SHISA9: variants seen among roughly 807,000 people sequenced by gnomAD.
The protein encoded by SHISA9 is protein shisa-9.
Under a neutral mutation model 38.0 loss-of-function variants are expected in SHISA9, and 13 were observed. The observed-to-expected ratio is 0.34, with a 90% CI of 0.22 to 0.54. The LOEUF is 0.54. Among genes scored for constraint, SHISA9 ranks in the 20% least tolerant of loss-of-function variants. SHISA9 has a pLI of 0.91. For synonymous variants in SHISA9, 275 were observed against 242.0 expected, an observed-to-expected ratio of 1.14 and a Z score of -1.27; for missense variants, 538 against 575.8, an observed-to-expected ratio of 0.93 and a Z score of 0.67.
intron 2 of SHISA9, among the ~76,000 whole-genome samples, chr16:12,938,331 C>T (rs1378309720): frequency 6.6e-6 from 1 of 152,198 alleles, no homozygotes; most frequent in Non-Finnish European, 1.5e-5. Context: ...TCTTTTCTTG[C>T]TAGACAAGTC....
intron 2 of SHISA9, among the ~76,000 whole-genome samples, chr16:12,959,520 G>C (rs1413174795): frequency 6.6e-6 from 1 of 152,166 alleles, no homozygotes; most frequent in African/African-American, 2.4e-5. Context: ...ACTCAGGGCA[G>C]CTGGAGAAAA....
intron 2 of SHISA9, among the ~76,000 whole-genome samples, chr16:13,040,311 A>G (rs763325504): frequency 1.3e-5 from 2 of 152,084 alleles, no homozygotes; most frequent in Non-Finnish European, 2.9e-5. Context: ...TCTATTCCTT[A>G]AACACATGGT....
At chr16:13,087,125 C>T (rs963420444) in intron 2 of SHISA9, among the ~76,000 whole-genome samples, 2 of 150,328 alleles carry the variant, frequency 1.3e-5, no homozygotes, top group African/African-American at 2.4e-5. Context: ...CATCCATGTC[C>T]CCGCAAAGGA....
chr16:13,306,110 T>A, the SHISA9 span, among the ~76,000 whole-genome samples: 1 of 151,678 alleles, frequency 6.6e-6, no homozygotes, highest in Non-Finnish European at 1.5e-5. Flanking sequence ...GGAGTAGGAG[T>A]TCATAAGAAG....
At chr16:13,248,331 G>T in the SHISA9 span, among the ~76,000 whole-genome samples, 2 of 152,160 alleles carry the variant, frequency 1.3e-5, no homozygotes, top group African/African-American at 4.8e-5. Context: ...CCTTGAGGGT[G>T]CAAGAATCCC....
the SHISA9 span, among the ~76,000 whole-genome samples, chr16:13,459,244 C>T: frequency 7.9e-5 from 12 of 152,112 alleles, no homozygotes; most frequent in East Asian, 1.9e-4. Flanking sequence ...TTACAAGTCA[C>T]GTGCAGCCCT....
At chr16:12,961,265 G>T (rs537336880) in intron 2 of SHISA9, among the ~76,000 whole-genome samples, 9 of 152,124 alleles carry the variant, frequency 5.9e-5, no homozygotes, top group Non-Finnish European at 1.2e-4. Flanking sequence ...AGGCCAGAAT[G>T]GTGGGAGCAG....
intron 2 of SHISA9, among the ~76,000 whole-genome samples, chr16:13,113,614 A>G (rs528209498): frequency 3.3e-5 from 5 of 152,300 alleles, no homozygotes; most frequent in African/African-American, 1.2e-4. Context: ...ATTGCGTCCA[A>G]TACAAAGGAA....
intron 1 of SHISA9, chr16:12,909,845 C>CCCTTCCTTCCTTCCTTCCTTCCTTCCTT (rs112196996): frequency 1.4e-5 from 2 of 140,486 alleles, no homozygotes; most frequent in African/African-American, 2.7e-5. Context: ...CCTTCCCTTC[C>CCCTTCCTTCCTTCCTTCCTTCCTTCCTT]CCTTCCTTCC....
At chr16:13,192,779 G>T (rs1346111757) in intron 2 of SHISA9, among the ~76,000 whole-genome samples, 1 of 152,124 alleles carries the variant, frequency 6.6e-6, no homozygotes, top group Non-Finnish European at 1.5e-5. Context: ...GGAGGCTGAA[G>T]CAGGACAATC....
the SHISA9 span, among the ~76,000 whole-genome samples, chr16:13,399,667 G>A: frequency 7.2e-5 from 11 of 152,260 alleles, no homozygotes; most frequent in East Asian, 9.7e-4. Context: ...CTTCTTCACC[G>A]CTGCTTATCC....
chr16:13,469,397 G>GAAAGAAAGAAAGAAAGAA, the SHISA9 span, among the ~76,000 whole-genome samples: 1 of 121,234 alleles, frequency 8.2e-6, no homozygotes, highest in African/African-American at 3.4e-5. Context: ...AAGAAAGAAA[G>GAAAGAAAGAAAGAAAGAA]AAAGAAAGAA....
At chr16:13,431,789 A>T in the SHISA9 span, among the ~76,000 whole-genome samples, 1 of 152,190 alleles carries the variant, frequency 6.6e-6, no homozygotes, top group Non-Finnish European at 1.5e-5. Flanking sequence ...AGGCCGGGCA[A>T]GTGGCTCACG....
intron 2 of SHISA9, among the ~76,000 whole-genome samples, chr16:13,081,246 A>G (rs767284010): frequency 1.3e-5 from 2 of 152,194 alleles, no homozygotes; most frequent in African/African-American, 4.8e-5. Context: ...TGTGATCTGG[A>G]CTTTTCAGTC....
At chr16:12,917,852 G>T (rs2071278677) in intron 2 of SHISA9, among the ~76,000 whole-genome samples, 1 of 152,160 alleles carries the variant, frequency 6.6e-6, no homozygotes, top group South Asian at 2.1e-4. Context: ...AGTTGCCTGG[G>T]TGTTTTATTT....
the SHISA9 span, among the ~76,000 whole-genome samples, chr16:13,379,290 C>G: frequency 6.6e-6 from 1 of 152,206 alleles, no homozygotes; most frequent in Non-Finnish European, 1.5e-5. Flanking sequence ...GAAAGGAGAA[C>G]AAAGTTTTCA....
chr16:13,069,447 TAC>T (rs1156824807), intron 2 of SHISA9, among the ~76,000 whole-genome samples: 2 of 150,422 alleles, frequency 1.3e-5, no homozygotes, highest in African/African-American at 2.5e-5. Context: ...TATGTGTGTG[TAC>T]ACACAAAGTA....
chr16:12,951,499 A>G (rs1302674145), intron 2 of SHISA9, among the ~76,000 whole-genome samples: 1 of 152,194 alleles, frequency 6.6e-6, no homozygotes, highest in African/African-American at 2.4e-5. Context: ...CTGTGTTCCA[A>G]GAAAACATTA....
chr16:13,499,476 T>G, the SHISA9 span, among the ~76,000 whole-genome samples: 1 of 152,128 alleles, frequency 6.6e-6, no homozygotes, highest in Non-Finnish European at 1.5e-5. Flanking sequence ...CTACAAATTG[T>G]GAGTACATAG....
Sources: gnomAD v4.1 joint callset for allele counts (sites outside exome capture counted in the v4.1 genomes callset) on GRCh38, gnomAD v4.1.1 for gene constraint, MANE v1.5 for transcripts, NCBI Gene and HGNC (gene_info 2026-07-23, HGNC 2026-07-21) for gene names.